Variants in WWOX observed in about 807,000 individuals in gnomAD.
WWOX encodes WW domain containing oxidoreductase, also known as WW domain-containing oxidoreductase.
In WWOX, 69 loss-of-function variants were observed where a neutral mutation model predicts 46.2. The ratio of observed to expected loss-of-function variants is 1.49; its 90% CI spans 1.23 to 1.82. The LOEUF (loss-of-function observed/expected upper bound fraction) is 1.82. WWOX is among the 40% of genes most tolerant of loss of function. The pLI, the probability that WWOX is intolerant of heterozygous loss-of-function variation, is 0.00. For synonymous variants in WWOX, 359 were observed against 202.6 expected (o/e 1.77, Z -6.56); for missense variants, 919 against 542.6 (o/e 1.69, Z -6.89).
intron 8 of WWOX, among the ~76,000 whole-genome samples, chr16:78,471,499 C>A (rs2084219586): frequency 6.6e-6 from 1 of 152,174 alleles, no homozygotes; most frequent in Admixed American, 6.5e-5. Flanking sequence ...TCTTTTTCAC[C>A]AGCACCTTTT....
intron 8 of WWOX, among the ~76,000 whole-genome samples, chr16:78,642,937 T>C (rs1485591341): frequency 6.6e-6 from 1 of 152,202 alleles, no homozygotes; most frequent in Non-Finnish European, 1.5e-5. Flanking sequence ...TAGCTTATAA[T>C]AGTAATAATA....
chr16:78,669,263 A>T lies in WWOX; in HGVS notation c.1056+236511A>T, dbSNP rs115136553. On this transcript the variant is annotated intron_variant, in intron 8 of 8. Coordinates refer to ENST00000566780, the MANE Select transcript of WWOX (RefSeq NM_016373.4). ...CCCTTCCCTCACATTTGCTGTCCCA[A>T]GTGTCCCATGGCAGTGCCTAAGCAA... Among the ~76,000 whole-genome samples, 145 of 152,354 alleles carry T rather than the reference A, an allele frequency of 9.5e-4. 1 individual carries two copies. Among genetic ancestry groups the T allele is most frequent in the African/African-American group, 3.3e-3 (139 of 41,592 alleles).
At chr16:79,156,435 A>G (rs1456809627) in intron 8 of WWOX, among the ~76,000 whole-genome samples, 1 of 152,246 alleles carries the variant, frequency 6.6e-6, no homozygotes, top group East Asian at 1.9e-4. Flanking sequence ...TGCTGGGATA[A>G]CAGGCGTGAG....
chr16:79,115,168 T>C (rs2049490733), intron 8 of WWOX, among the ~76,000 whole-genome samples: 1 of 152,178 alleles, frequency 6.6e-6, no homozygotes, highest in African/African-American at 2.4e-5. Flanking sequence ...GTCAGTATGG[T>C]TGTTGTGCCA....
chr16:78,405,373 C>A (rs1385712038), intron 6 of WWOX, among the ~76,000 whole-genome samples: 1 of 152,058 alleles, frequency 6.6e-6, no homozygotes, highest in African/African-American at 2.4e-5. Flanking sequence ...GAATCCATTC[C>A]CAGTTAATTA....
In WWOX at chr16:79,211,931, A is replaced by T; in HGVS notation, c.*135A>T. 4.5e-6 allele frequency: 7 copies of T among 1,538,580 alleles called. No homozygotes were observed. Among genetic ancestry groups the T allele is most frequent in the African/African-American group, 1.4e-5 (1 of 73,096 alleles). Reference sequence around the variant, plus strand: ...TAAAGGAAATAAGAGCAGTCACAACAGAGTGAAAAATCTTAAGTACCAATG... The same window carrying T: ...TAAAGGAAATAAGAGCAGTCACAACTGAGTGAAAAATCTTAAGTACCAATG... On this transcript the variant is annotated 3_prime_UTR_variant, in exon 9 of 9. Transcript: ENST00000566780.
intron 8 of WWOX, among the ~76,000 whole-genome samples, chr16:79,027,851 C>T (rs375267416): frequency 6.6e-6 from 1 of 151,864 alleles, no homozygotes; most frequent in African/African-American, 2.4e-5. Context: ...CTGAACATAG[C>T]ATAGAAACAG....
At chr16:78,328,869 C>G (rs971803628) in intron 5 of WWOX, among the ~76,000 whole-genome samples, 4 of 151,084 alleles carry the variant, frequency 2.6e-5, no homozygotes, top group Non-Finnish European at 5.9e-5. Flanking sequence ...TTTCTCTTCT[C>G]TTCTTTTCTT....
chr16:79,154,762 T>C (rs1352723701), intron 8 of WWOX, among the ~76,000 whole-genome samples: 2 of 152,204 alleles, frequency 1.3e-5, no homozygotes, highest in Non-Finnish European at 2.9e-5. Flanking sequence ...TGGGTCCTTT[T>C]GAGTCTGAAG....
chr16:78,293,931 C>G (rs58307925), intron 5 of WWOX, among the ~76,000 whole-genome samples: 1 of 119,516 alleles, frequency 8.4e-6, no homozygotes, highest in Non-Finnish European at 1.6e-5. Flanking sequence ...GAGCCGATGT[C>G]ATATCACTGC....
At chr16:78,893,740 ATGTC>A (rs1433682896) in intron 8 of WWOX, among the ~76,000 whole-genome samples, 1 of 152,028 alleles carries the variant, frequency 6.6e-6, no homozygotes, top group Non-Finnish European at 1.5e-5. Flanking sequence ...GTTCCAGAAA[ATGTC>A]TGTCATACAT....
rs535618038 is a variant in WWOX, at chr16:78,466,345, T to G, written c.1056+33593T>G. Among the ~76,000 whole-genome samples, 5 of 152,300 alleles carry G rather than the reference T, an allele frequency of 3.3e-5. No individual in the cohort carries two copies. The East Asian group carries it at 7.7e-4, about 24-fold the overall frequency. On this transcript the variant is annotated intron_variant, in intron 8 of 8. Transcript: ENST00000566780. ...TGCACCCGGCTATTGGGTACAAGTT[T>G]CCTTTGGGGTGGTGAAACTGTTTTG...
chr16:79,017,784 C>T (rs1381217821), intron 8 of WWOX, among the ~76,000 whole-genome samples: 4 of 151,848 alleles, frequency 2.6e-5, no homozygotes, highest in East Asian at 1.9e-4. Context: ...ATATTTCCAC[C>T]CCCATTATTT....
chr16:78,118,753 C>T (rs971362305), intron 4 of WWOX, among the ~76,000 whole-genome samples: 4 of 152,166 alleles, frequency 2.6e-5, no homozygotes, highest in African/African-American at 9.7e-5. Context: ...ATCACCCTAA[C>T]ATTCTCTAAA....
chr16:78,551,051 C>T (rs960447878), intron 8 of WWOX: 8 of 151,956 alleles, frequency 5.3e-5, no homozygotes, highest in Non-Finnish European at 8.8e-5. Flanking sequence ...AAACAAGTAT[C>T]GTGAATATAT....
intron 8 of WWOX, among the ~76,000 whole-genome samples, chr16:78,682,687 A>C (rs2047758101): frequency 6.6e-6 from 1 of 152,170 alleles, no homozygotes; most frequent in Admixed American, 6.5e-5. Flanking sequence ...TGGCCTGGGA[A>C]ATATAGCAAG....
At chr16:78,112,201 A>T (rs1191756797) in intron 3 of WWOX, among the ~76,000 whole-genome samples, 1 of 152,178 alleles carries the variant, frequency 6.6e-6, no homozygotes, top group Non-Finnish European at 1.5e-5. Context: ...AAAGAATCTG[A>T]TTGCTACATC....
chr16:79,125,767 T>G (rs1033058045), intron 8 of WWOX, among the ~76,000 whole-genome samples: 36 of 152,240 alleles, frequency 2.4e-4, no homozygotes, highest in African/African-American at 7.0e-4. Context: ...TATGGGTTCT[T>G]TGGACTTCAG....
At chr16:78,181,738 C>T (rs570478761) in intron 5 of WWOX, among the ~76,000 whole-genome samples, 4 of 152,208 alleles carry the variant, frequency 2.6e-5, no homozygotes, top group East Asian at 1.9e-4. Flanking sequence ...TTTTAAATTA[C>T]AGCTTTTTCT....
Sources: allele counts gnomAD v4.1 joint callset (sites outside exome capture counted in the v4.1 genomes callset), GRCh38; gene constraint gnomAD v4.1.1; transcripts MANE v1.5; gene names NCBI Gene and HGNC (gene_info 2026-07-23, HGNC 2026-07-21).